The following CTNNA2 variants were observed in gnomAD, a reference collection of about 807,000 sequenced individuals.
The protein encoded by CTNNA2 is catenin alpha-2.
Under a neutral mutation model 101.0 loss-of-function variants are expected in CTNNA2, and 42 were observed. The ratio of observed to expected loss-of-function variants is 0.42; its 90% confidence interval spans 0.32 to 0.54. The LOEUF is 0.54. Ranked by LOEUF, CTNNA2 falls within the 20% of genes least tolerant of loss-of-function variation. The probability of loss-of-function intolerance (pLI) is 0.14; values close to 1 mark genes in which losing one functional copy is unlikely to be tolerated. For missense variants in CTNNA2, 871 were observed against 1,223.1 expected, an observed-to-expected ratio of 0.71 and a Z score of 4.29; for synonymous variants, 450 against 456.4, an observed-to-expected ratio of 0.99 and a Z score of 0.18.
intron 2 of CTNNA2, among the ~76,000 whole-genome samples, chr2:79,657,938 G>A (rs1462230344): frequency 6.6e-6 from 1 of 151,538 alleles, no homozygotes; most frequent in African/African-American, 2.4e-5. Context: ...TTTTGGAAAA[G>A]GACTAATAAA....
At chr2:80,092,169 G>A (rs1471240647) in intron 7 of CTNNA2, among the ~76,000 whole-genome samples, 1 of 152,042 alleles carries the variant, frequency 6.6e-6, no homozygotes, top group Non-Finnish European at 1.5e-5. Context: ...TTTCTCTCTT[G>A]GGTTTCTCCT....
Position 80,081,731 on chromosome 2 carries a change from A to ATCTC in CTNNA2, c.1056+171950_1056+171953dup, listed in dbSNP as rs141997672. ...TCCAAGTTACTACTCCGCTAAGACA[A>ATCTC]TCTCTCTCTCTCTCTCTCTTGCTCT... On this transcript the variant is annotated intron_variant, in intron 7 of 18. Coordinates refer to ENST00000402739, the MANE Select transcript of CTNNA2 (RefSeq NM_001282597.3). Among the ~76,000 whole-genome samples the ATCTC allele has an allele frequency of 9.3e-4, 134 of 144,112 alleles. 1 individual carries two copies. Among genetic ancestry groups the ATCTC allele is most frequent in the African/African-American group, 2.8e-3 (110 of 39,148 alleles). 94.5% of individuals were successfully genotyped at this position (144,112 alleles called of 152,430 possible).
At chr2:79,864,231 T>G (rs986322624) in intron 4 of CTNNA2, among the ~76,000 whole-genome samples, 8 of 152,166 alleles carry the variant, frequency 5.3e-5, no homozygotes, top group Non-Finnish European at 1.0e-4. Context: ...AGGGAGATGA[T>G]AGATTCAGGT....
intron 9 of CTNNA2, among the ~76,000 whole-genome samples, chr2:80,521,078 G>A (rs1301932197): frequency 6.6e-6 from 1 of 152,214 alleles, no homozygotes; most frequent in Non-Finnish European, 1.5e-5. Context: ...GAGAAAGCCA[G>A]CTGTGAGCAC....
chr2:79,948,945 G>T (rs1688691371), intron 7 of CTNNA2, among the ~76,000 whole-genome samples: 1 of 152,028 alleles, frequency 6.6e-6, no homozygotes, highest in Non-Finnish European at 1.5e-5. Context: ...TCCAGCCTGG[G>T]CGACAGAGCC....
At chr2:79,325,748 C>G (rs949171375) in intron 3 of CTNNA2, among the ~76,000 whole-genome samples, 1 of 152,194 alleles carries the variant, frequency 6.6e-6, no homozygotes, top group Non-Finnish European at 1.5e-5. Context: ...TTTCATTGCA[C>G]CTTGTTCTTG....
At chr2:79,291,697 A>G (rs1218640001) in intron 2 of CTNNA2, among the ~76,000 whole-genome samples, 2 of 152,192 alleles carry the variant, frequency 1.3e-5, no homozygotes, top group African/African-American at 4.8e-5. Flanking sequence ...GAATACCCAA[A>G]AAGATTTACT....
chr2:79,982,220 ATATATATATATATATATATATG>A (rs1367182637), intron 7 of CTNNA2, among the ~76,000 whole-genome samples: 428 of 41,870 alleles, frequency 0.01, 27 homozygotes, highest in African/African-American at 0.023. Context: ...ATATATATAT[ATATATATATATATATATATATG>A]TATGTATATG....
intron 4 of CTNNA2, among the ~76,000 whole-genome samples, chr2:79,436,338 C>G (rs1261569580): frequency 6.6e-6 from 1 of 152,190 alleles, no homozygotes; most frequent in African/African-American, 2.4e-5. Context: ...AGCAGGTAAG[C>G]AGGCCCTTGA....
chr2:79,197,542 G>GTGTCCAT (rs1397486254), intron 1 of CTNNA2, among the ~76,000 whole-genome samples: 1 of 151,436 alleles, frequency 6.6e-6, no homozygotes. Flanking sequence ...AATGTATGGT[G>GTGTCCAT]TGTCCATTGT....
intron 12 of CTNNA2, among the ~76,000 whole-genome samples, chr2:80,563,957 C>A (rs947750422): frequency 6.6e-6 from 1 of 152,074 alleles, no homozygotes; most frequent in Non-Finnish European, 1.5e-5. Context: ...TGACTTTTTG[C>A]ATGTTTTTGT....
chr2:80,647,058 A>T (rs759056101), intron 18 of CTNNA2, among the ~76,000 whole-genome samples: 34 of 152,134 alleles, frequency 2.2e-4, no homozygotes, highest in Non-Finnish European at 4.0e-4. Flanking sequence ...ATCAGTATTT[A>T]TATAGGAGGT....
At chr2:79,993,105 CT>C (rs1692296034) in intron 7 of CTNNA2, among the ~76,000 whole-genome samples, 1 of 152,198 alleles carries the variant, frequency 6.6e-6, no homozygotes, top group Non-Finnish European at 1.5e-5. Flanking sequence ...ACGACTCAAA[CT>C]CTTGCATAAT....
At chr2:79,889,406 C>T (rs1574238352) in intron 6 of CTNNA2, among the ~76,000 whole-genome samples, 1 of 152,102 alleles carries the variant, frequency 6.6e-6, no homozygotes, top group African/African-American at 2.4e-5. Flanking sequence ...AAAACAATTA[C>T]TCATATGCAC....
intron 7 of CTNNA2, among the ~76,000 whole-genome samples, chr2:80,187,914 A>G (rs1362009748): frequency 6.6e-6 from 1 of 151,418 alleles, no homozygotes; most frequent in Non-Finnish European, 1.5e-5. Flanking sequence ...CTAAGATTCC[A>G]TTGCTAAGGT....
At position 80,458,401 on chromosome 2, in the gene CTNNA2, T is replaced by C. The variant is rs575755187; in HGVS notation, c.1290+38800T>C. ...TGCTTCTGTGTGTCAAATAATATGG[T>C]TAATTTTCTGGATCCCTGACAAGTA... On this transcript the variant is annotated intron_variant, in intron 9 of 18. Coordinates refer to ENST00000402739, the MANE Select transcript of CTNNA2 (RefSeq NM_001282597.3). 3.3e-5 allele frequency among the ~76,000 whole-genome samples: 5 copies of C among 152,296 alleles called. No homozygotes were observed. The South Asian group carries it at 1.0e-3, about 32-fold the overall frequency.
intron 4 of CTNNA2, among the ~76,000 whole-genome samples, chr2:79,412,314 C>T (rs1419420428): frequency 1.3e-5 from 2 of 152,080 alleles, no homozygotes; most frequent in East Asian, 3.9e-4. Context: ...TAACACCCCA[C>T]TGTCAACATT....
At chr2:80,615,282 A>G (rs907756033) in intron 17 of CTNNA2, among the ~76,000 whole-genome samples, 1 of 151,584 alleles carries the variant, frequency 6.6e-6, no homozygotes, top group African/African-American at 2.4e-5. Flanking sequence ...ATCAGTTTCC[A>G]TAAGTCGTTT....
intron 3 of CTNNA2, among the ~76,000 whole-genome samples, chr2:79,791,505 A>T (rs189048682): frequency 1.3e-5 from 2 of 152,318 alleles, no homozygotes; most frequent in East Asian, 3.9e-4. Flanking sequence ...TCTCTTCTCC[A>T]TTACAAGAAG....
Sources: allele counts gnomAD v4.1 joint callset (sites outside exome capture counted in the v4.1 genomes callset), GRCh38; gene constraint gnomAD v4.1.1; transcripts MANE v1.5; gene names NCBI Gene and HGNC (gene_info 2026-07-23, HGNC 2026-07-21).